The following EHD2 variants were observed in gnomAD, a reference collection of about 807,000 sequenced individuals.
The protein encoded by EHD2 is EH domain-containing protein 2.
A neutral mutation model predicts 41.0 loss-of-function variants in EHD2; 27 were observed. That is an observed-to-expected ratio of 0.66 (90% CI 0.49 to 0.91). EHD2 has a LOEUF of 0.91. Ranked by LOEUF, EHD2 falls within the 40% of genes least tolerant of loss-of-function variation. EHD2 has a pLI of 0.00. For missense variants in EHD2, 673 were observed against 773.9 expected (o/e 0.87, Z 1.55); for synonymous variants, 342 against 341.0 (o/e 1.00, Z -0.03).
At chr19:47,728,682 C>A (rs868028563) in intron 4 of EHD2, among the ~76,000 whole-genome samples, 6 of 151,904 alleles carry the variant, frequency 3.9e-5, no homozygotes, top group Non-Finnish European at 8.8e-5. Flanking sequence ...GATTCTCCTG[C>A]CTCAGCCTCC....
chr19:47,736,652 C>T lies in EHD2; in HGVS notation c.1080+119C>T, dbSNP rs751592193. 67 of 1,157,998 alleles carry T rather than the reference C, an allele frequency of 5.8e-5. No homozygotes were observed. In the East Asian group the frequency reaches 1.8e-3, roughly 30 times the overall value. The allele number at this position is 1,157,998 out of a possible 1,614,324, so 71.7% of individuals were successfully genotyped here. On this transcript the variant is annotated intron_variant, in intron 5 of 5. Transcript: ENST00000263277. The stretch of plus-strand genomic sequence containing the variant: ...GGATGGCAGGTTCTGGAAAGCGCCT[C>T]CCTCAAATAGTTCCGTGGGAGCATG...
chr19:47,714,333 G>A (rs1219355907), intron 1 of EHD2, among the ~76,000 whole-genome samples: 1 of 152,030 alleles, frequency 6.6e-6, no homozygotes, highest in Non-Finnish European at 1.5e-5. Context: ...CTTTTAGTGG[G>A]GAATGGTATT....
intron 1 of EHD2, among the ~76,000 whole-genome samples, chr19:47,713,831 T>C (rs1347962194): frequency 6.6e-6 from 1 of 151,024 alleles, no homozygotes; most frequent in Non-Finnish European, 1.5e-5. Flanking sequence ...GAAGAGATCC[T>C]CTCTGCAGGG....
rs1390349375 is a variant in EHD2 at position 47,741,518 on chromosome 19, G to GCCTGCCCTC, written c.*94_*102dup. ...CCCTGCTCCGGCTCACACACGCCCT[G>GCCTGCCCTC]CCTGCCCTCCCTGCCCAGCTGTAAG... On this transcript the variant is annotated 3_prime_UTR_variant, in exon 6 of 6. Coordinates refer to ENST00000263277, the MANE Select transcript of EHD2 (RefSeq NM_014601.4). The surrounding 1 kb of genome is among the most constrained non-coding windows in gnomAD (Gnocchi z 4.5). The GCCTGCCCTC allele has an allele frequency of 4.9e-6, 7 of 1,427,078 alleles. No homozygotes were observed. The highest frequency in any genetic ancestry group is 2.9e-5 in the African/African-American group (2 of 70,104). 88.4% of individuals were successfully genotyped at this position (1,427,078 alleles called of 1,614,324 possible). A position where few individuals can be genotyped will look rare whatever the true frequency, so the allele number is the denominator to read the frequency against.
Position 47,742,112 on chromosome 19 carries a change from C to G in EHD2, c.*680C>G. ...CTCGGGGAAAGCCCCCAATTCTGCC[C>G]ACACCCATTTATTTCCTTCCTTCCT... On this transcript the variant is annotated 3_prime_UTR_variant, in exon 6 of 6. Coordinates refer to ENST00000263277, the MANE Select transcript of EHD2 (RefSeq NM_014601.4). 5.7e-6 allele frequency: 2 copies of G among 348,128 alleles called. No individual in the cohort carries two copies. Among genetic ancestry groups the G allele is most frequent in the Non-Finnish European group, 1.1e-5 (2 of 179,210 alleles). The allele number at this position is 348,128 out of a possible 1,614,324, so 21.6% of individuals were successfully genotyped here. A position where few individuals can be genotyped will look rare whatever the true frequency, so the allele number is the denominator to read the frequency against.
Position 47,716,957 on chromosome 19 carries a change from C to G in EHD2, c.345C>G (p.Val115=). The G allele has an allele frequency of 3.1e-6, 5 of 1,606,336 alleles. No individual in the cohort carries two copies. The highest frequency in any genetic ancestry group is 4.2e-6 in the Non-Finnish European group (5 of 1,179,966). ...GCACCGTGCCCGGCAACGCCCTCGT[C>G]GTGGACCCGGACAAGCCCTTCCGCA... ...TEGTVPGNAL[V]VDPDKPFRKL... The change falls in exon 2 of 6, where the codon GTC becomes GTG. Residue 115 remains valine (V), a synonymous_variant. Transcript: ENST00000263277.
At chr19:47,726,320 G>GT in intron 4 of EHD2, 96 bp downstream of exon 4, 2 of 1,387,908 alleles carry the variant, frequency 1.4e-6, no homozygotes, top group Non-Finnish European at 1.9e-6. Context: ...CAGGGCCCAG[G>GT]TTAGTTAGTT....
Position 47,742,404 on chromosome 19 carries a change from C to G in EHD2, c.*972C>G, listed in dbSNP as rs1403316247. Reference sequence around the variant, plus strand: ...TCTCGTGCCTCAGCCTCCTGAGTAGCTGGGACTGCAGGCACGCGCCACCAC... The same window carrying G: ...TCTCGTGCCTCAGCCTCCTGAGTAGGTGGGACTGCAGGCACGCGCCACCAC... On this transcript the variant is annotated 3_prime_UTR_variant, in exon 6 of 6. Coordinates refer to ENST00000263277, the MANE Select transcript of EHD2 (RefSeq NM_014601.4). 1 of 180,718 alleles carries G rather than the reference C, an allele frequency of 5.5e-6. No homozygotes were observed. The highest frequency in any genetic ancestry group is 1.9e-4 in the East Asian group (1 of 5,360). The allele number at this position is 180,718 out of a possible 1,614,324, so 11.2% of individuals were successfully genotyped here. A position where few individuals can be genotyped will look rare whatever the true frequency, so the allele number is the denominator to read the frequency against.
chr19:47,736,172 G>A (rs1429264397), intron 4 of EHD2, among the ~76,000 whole-genome samples, 197 bp from the exon 5 acceptor site: 3 of 152,170 alleles, frequency 2.0e-5, no homozygotes, highest in Non-Finnish European at 2.9e-5. Context: ...CTCCAGCCTC[G>A]GTGACAGAGC....
rs930916026 is a variant in EHD2 at position 47,741,884 on chromosome 19, A to G, written c.*452A>G. On this transcript the variant is annotated 3_prime_UTR_variant, in exon 6 of 6. Coordinates refer to ENST00000263277, the MANE Select transcript of EHD2 (RefSeq NM_014601.4). This position sits in a 1 kb window ranked among gnomAD's most constrained non-coding sequence, Gnocchi z 4.5. ...CACACTAATTCCTGGCAGGGCCCCCAGCCCCTCCCCTGGCTGAGCAGCCCT... is the reference window on the plus strand; with the variant it reads ...CACACTAATTCCTGGCAGGGCCCCCGGCCCCTCCCCTGGCTGAGCAGCCCT... 7.6e-5 allele frequency: 35 copies of G among 459,240 alleles called. No individual in the cohort carries two copies. Among genetic ancestry groups the G allele is most frequent in the African/African-American group, 6.8e-4 (34 of 50,208 alleles). 28.4% of individuals were successfully genotyped at this position (459,240 alleles called of 1,614,324 possible).
In EHD2 at chr19:47,719,654, G is replaced by A. The variant is rs1973673902; in HGVS notation, c.502+1048G>A. Among the ~76,000 whole-genome samples the A allele has an allele frequency of 6.6e-6, 1 of 152,130 alleles. No homozygotes were observed. The highest frequency in any genetic ancestry group is 2.4e-5 in the African/African-American group (1 of 41,424). On this transcript the variant is annotated intron_variant, in intron 3 of 5. Transcript: ENST00000263277. This position sits in a 1 kb window ranked among gnomAD's most constrained non-coding sequence, Gnocchi z 4.1. ...CCTGGGGTGGGGTGGGGACGCTGGG[G>A]GTGACCATGTCTCTGGCTGCCGTCC...
rs1967007716 is a variant in EHD2, at chr19:47,742,968, G to A, written c.*1536G>A. The A allele has an allele frequency of 6.5e-6, 1 of 152,840 alleles. No individual in the cohort carries two copies. The highest frequency in any genetic ancestry group is 2.4e-5 in the African/African-American group (1 of 41,588). 9.5% of individuals were successfully genotyped at this position (152,840 alleles called of 1,614,324 possible). A position where few individuals can be genotyped will look rare whatever the true frequency, so the allele number is the denominator to read the frequency against. On this transcript the variant is annotated 3_prime_UTR_variant, in exon 6 of 6. Coordinates refer to ENST00000263277, the MANE Select transcript of EHD2 (RefSeq NM_014601.4). ...ATATTAGTGCTTGACCCTGGCAGGG[G>A]ACCCCATGGAAAAGATGGGGAAGAG...
intron 3 of EHD2, among the ~76,000 whole-genome samples, chr19:47,721,920 G>A (rs73569516): frequency 0.27 from 41,278 of 151,486 alleles, 5,729 homozygotes; most frequent in Middle Eastern, 0.44. Context: ...AGGAGGTGGA[G>A]GTTGCAGTGA....
chr19:47,729,146 C>T (rs1418528788), intron 4 of EHD2, among the ~76,000 whole-genome samples: 2 of 152,146 alleles, frequency 1.3e-5, no homozygotes, highest in African/African-American at 4.8e-5. Context: ...GATCCATCCC[C>T]AGGCACCGAT....
chr19:47,731,012 G>A (rs1973801412), intron 4 of EHD2, among the ~76,000 whole-genome samples: 1 of 151,630 alleles, frequency 6.6e-6, no homozygotes, highest in Non-Finnish European at 1.5e-5. Flanking sequence ...GGCTGGCGAG[G>A]GACTATTTTA....
At chr19:47,724,160 C>T (rs1973726235) in intron 3 of EHD2, among the ~76,000 whole-genome samples, 1 of 147,938 alleles carries the variant, frequency 6.8e-6, no homozygotes. Context: ...CTCACTGCAA[C>T]CTCTGCCTCC....
At chr19:47,731,713 C>G (rs977317230) in intron 4 of EHD2, among the ~76,000 whole-genome samples, 1 of 152,010 alleles carries the variant, frequency 6.6e-6, no homozygotes, top group Non-Finnish European at 1.5e-5. Context: ...CTCACCCCAC[C>G]AGCTCCCAGG....
intron 2 of EHD2, among the ~76,000 whole-genome samples, chr19:47,717,506 G>A (rs1354721740): frequency 3.3e-5 from 5 of 152,146 alleles, no homozygotes; most frequent in Admixed American, 3.3e-4. Context: ...GAGCACCTAG[G>A]CTAGTGAAGT....
At chr19:47,734,513 AG>A (rs2123655695) in intron 4 of EHD2, among the ~76,000 whole-genome samples, 1 of 152,046 alleles carries the variant, frequency 6.6e-6, no homozygotes, top group African/African-American at 2.4e-5. Context: ...GCACTTTGGG[AG>A]GCTGAGGCAG....
Sources: allele counts gnomAD v4.1 joint callset (sites outside exome capture counted in the v4.1 genomes callset), GRCh38; gene constraint gnomAD v4.1.1; non-coding constraint Gnocchi (gnomAD v3.1); transcripts MANE v1.5; gene names NCBI Gene and HGNC (gene_info 2026-07-23, HGNC 2026-07-21).